The following THSD7A variants were observed in gnomAD, a reference collection of about 807,000 sequenced individuals.
THSD7A encodes thrombospondin type 1 domain containing 7A, also known as thrombospondin type-1 domain-containing protein 7A.
THSD7A carries 96 observed loss-of-function variants against 231.3 expected under a neutral mutation model. The ratio of observed to expected loss-of-function variants is 0.41; its 90% CI spans 0.35 to 0.49. The LOEUF is 0.49. THSD7A is among the 20% of genes least tolerant of loss of function. The probability of loss-of-function intolerance (pLI) is 0.05; values close to 1 mark genes in which losing one functional copy is unlikely to be tolerated. For missense variants in THSD7A, 2,290 were observed against 2,070.2 expected (o/e 1.11, Z -2.06); for synonymous variants, 940 against 743.3 (o/e 1.26, Z -4.30).
At chr7:11,457,067 T>C (rs1785331922) in intron 11 of THSD7A, among the ~76,000 whole-genome samples, 1 of 152,116 alleles carries the variant, frequency 6.6e-6, no homozygotes, top group African/African-American at 2.4e-5. Flanking sequence ...AATCTATTAA[T>C]GATAAGGTAT....
chr7:11,651,276 T>C (rs889763692), intron 1 of THSD7A, among the ~76,000 whole-genome samples: 1 of 151,940 alleles, frequency 6.6e-6, no homozygotes, highest in African/African-American at 2.4e-5. Flanking sequence ...TATGAGGGGA[T>C]AGGTGAAGAA....
At chr7:11,750,759 C>T (rs777949121) in intron 1 of THSD7A, among the ~76,000 whole-genome samples, 12 of 151,880 alleles carry the variant, frequency 7.9e-5, no homozygotes, top group East Asian at 1.9e-4. Context: ...ACTAGTCTAA[C>T]GGCAGAAATA....
intron 27 of THSD7A, 48 bp from the exon 28 acceptor site, chr7:11,375,926 T>A: frequency 6.4e-7 from 1 of 1,557,190 alleles, no homozygotes; most frequent in Non-Finnish European, 8.8e-7. Flanking sequence ...TTTCTAATTG[T>A]AAATTTGATT....
intron 23 of THSD7A, 38 bp from the exon 24 acceptor site, chr7:11,382,654 T>C: frequency 1.3e-6 from 2 of 1,485,610 alleles, no homozygotes; most frequent in Non-Finnish European, 9.4e-7. Flanking sequence ...AAGCATTCTG[T>C]TACCCAGAAG....
chr7:11,625,072 ATATT>A (rs1402037762), intron 2 of THSD7A, among the ~76,000 whole-genome samples: 1 of 152,094 alleles, frequency 6.6e-6, no homozygotes, highest in African/African-American at 2.4e-5. Context: ...TGAGAAATTC[ATATT>A]TATTATTCCA....
intron 9 of THSD7A, among the ~76,000 whole-genome samples, chr7:11,465,337 C>G (rs764844580): frequency 2.0e-5 from 3 of 150,752 alleles, no homozygotes; most frequent in Non-Finnish European, 4.4e-5. Context: ...ATAACAAGTA[C>G]GCGAAAAATA....
intron 1 of THSD7A, among the ~76,000 whole-genome samples, chr7:11,739,536 A>G (rs1782033605): frequency 6.6e-6 from 1 of 151,988 alleles, no homozygotes; most frequent in African/African-American, 2.4e-5. Flanking sequence ...ACTATCAGCC[A>G]TTACATTCTA....
intron 1 of THSD7A, among the ~76,000 whole-genome samples, chr7:11,759,990 A>G (rs1782803424): frequency 1.3e-5 from 2 of 152,076 alleles, no homozygotes; most frequent in South Asian, 4.1e-4. Flanking sequence ...ATCTAATATT[A>G]AGTGATACAA....
intron 22 of THSD7A, among the ~76,000 whole-genome samples, chr7:11,403,514 C>T (rs1482215527): frequency 6.6e-6 from 1 of 152,080 alleles, no homozygotes; most frequent in Non-Finnish European, 1.5e-5. Flanking sequence ...TTTGGAGTTA[C>T]TCAGTTTTTA....
At chr7:11,740,204 A>T (rs1025376680) in intron 1 of THSD7A, among the ~76,000 whole-genome samples, 3 of 151,958 alleles carry the variant, frequency 2.0e-5, no homozygotes, top group Non-Finnish European at 4.4e-5. Context: ...CACAGGCAAG[A>T]GGAAGGCAAT....
intron 1 of THSD7A, among the ~76,000 whole-genome samples, chr7:11,767,864 G>C (rs1329801047): frequency 6.6e-6 from 1 of 152,166 alleles, no homozygotes; most frequent in Non-Finnish European, 1.5e-5. Flanking sequence ...GCATAAAAGA[G>C]TATCAGTCAG....
In THSD7A at chr7:11,636,479, G is replaced by T. The variant is rs1188725285; in HGVS notation, c.673C>A (p.Pro225Thr). ...QHRTRHVVAP[P>T]QFGGSGCPNL... Reference sequence around the variant, plus strand: ...GGACAGCCAGAGCCTCCGAACTGCGGGGGCGCCACCACATGACGCGTCCGG... The same window carrying T: ...GGACAGCCAGAGCCTCCGAACTGCGTGGGCGCCACCACATGACGCGTCCGG... The change falls in exon 2 of 28, where the codon CCG (proline) becomes ACG (threonine). Residue 225 changes from proline to threonine, a missense_variant. Transcript: ENST00000423059. The surrounding 1 kb of genome is among the most constrained non-coding windows in gnomAD (Gnocchi z 10.0). 1.2e-6 allele frequency: 2 copies of T among 1,613,714 alleles called. No homozygotes were observed. The highest frequency in any genetic ancestry group is 3.3e-5 in the Admixed American group (2 of 60,000).
chr7:11,696,103 A>G (rs1182242600), intron 1 of THSD7A, among the ~76,000 whole-genome samples: 2 of 151,502 alleles, frequency 1.3e-5, no homozygotes, highest in Admixed American at 6.6e-5. Context: ...TAAGAAACAC[A>G]GTAAAACCTG....
At chr7:11,778,266 G>A (rs2128173717) in intron 1 of THSD7A, among the ~76,000 whole-genome samples, 1 of 151,434 alleles carries the variant, frequency 6.6e-6, no homozygotes, top group African/African-American at 2.4e-5. Context: ...TTCACTAAGT[G>A]GATTCCTATT....
At chr7:11,518,374 G>C (rs1016002210) in intron 6 of THSD7A, among the ~76,000 whole-genome samples, 5 of 152,084 alleles carry the variant, frequency 3.3e-5, no homozygotes, top group African/African-American at 9.7e-5. Flanking sequence ...TAAAGGAATG[G>C]GTAGAATTTC....
chr7:11,475,390 C>T lies in THSD7A; in HGVS notation c.2018-822G>A, dbSNP rs78141512. Among the ~76,000 whole-genome samples, 1,300 of 151,928 alleles carry T rather than the reference C, an allele frequency of 8.6e-3. 16 individuals are homozygous for T. Among genetic ancestry groups the T allele is most frequent in the African/African-American group, 0.03 (1,243 of 41,428 alleles). On this transcript the variant is annotated intron_variant, in intron 7 of 27. Transcript: ENST00000423059. ...TCTGCGGCAGCACAGCCCCACCTCCCGGTTTTTCTTTGCAGAAACAGGCAG... is the reference window on the plus strand; with the variant it reads ...TCTGCGGCAGCACAGCCCCACCTCCTGGTTTTTCTTTGCAGAAACAGGCAG...
intron 4 of THSD7A, among the ~76,000 whole-genome samples, 162 bp from the exon 5 acceptor site, chr7:11,543,279 C>T (rs892392425): frequency 9.2e-5 from 14 of 152,110 alleles, no homozygotes; most frequent in Admixed American, 5.2e-4. Flanking sequence ...AAAAAGAGAA[C>T]GAATGGAAAT....
intron 1 of THSD7A, among the ~76,000 whole-genome samples, chr7:11,769,138 T>C (rs1279612828): frequency 3.4e-5 from 2 of 59,280 alleles, no homozygotes; most frequent in African/African-American, 1.1e-4. Context: ...TATATATATA[T>C]ATATATATAT....
chr7:11,681,771 T>C (rs1362546662), intron 1 of THSD7A, among the ~76,000 whole-genome samples: 1 of 151,570 alleles, frequency 6.6e-6, no homozygotes, highest in Non-Finnish European at 1.5e-5. Flanking sequence ...TCCTGTGAGA[T>C]ACTAAGCAAG....
Sources: gnomAD v4.1 joint callset for allele counts (sites outside exome capture counted in the v4.1 genomes callset) on GRCh38, gnomAD v4.1.1 for gene constraint, Gnocchi (gnomAD v3.1) non-coding constraint, MANE v1.5 for transcripts, NCBI Gene and HGNC (gene_info 2026-07-23, HGNC 2026-07-21) for gene names.